BPTF: variants seen among roughly 807,000 people sequenced by gnomAD.
BPTF encodes the protein bromodomain PHD finger transcription factor.
BPTF carries 18 observed loss-of-function variants against 292.5 expected under a neutral mutation model. That is an observed-to-expected ratio of 0.06 (90% confidence interval 0.04 to 0.09). The LOEUF (loss-of-function observed/expected upper bound fraction) is 0.09. Among genes scored for constraint, BPTF ranks in the 10% least tolerant of loss-of-function variants. The pLI, the probability that BPTF is intolerant of heterozygous loss-of-function variation, is 1.00. For synonymous variants in BPTF, 1,225 were observed against 1,251.9 expected (o/e 0.98, Z 0.45); for missense variants, 2,726 against 3,498.7 (o/e 0.78, Z 5.57).
intron 23 of BPTF, among the ~76,000 whole-genome samples, chr17:67,958,141 A>G (rs1475530892): frequency 6.6e-6 from 1 of 152,194 alleles, no homozygotes; most frequent in Non-Finnish European, 1.5e-5. Context: ...CAGCCTGGCC[A>G]ACATGGTGAA....
At chr17:67,858,555 CAAAAAAAAAAAAAA>C (rs561316267) in intron 2 of BPTF, among the ~76,000 whole-genome samples, 5 of 77,946 alleles carry the variant, frequency 6.4e-5, no homozygotes, top group South Asian at 3.9e-4. Flanking sequence ...ACTCTGTCTC[CAAAAAAAAAAAAAA>C]AAAAAAAAAG....
At position 67,918,705 on chromosome 17, in the gene BPTF, T is replaced by C. The variant is rs2063222806; in HGVS notation, c.5304-9T>C. 6.2e-7 allele frequency: 1 copy of C among 1,611,538 alleles called. No individual in the cohort carries two copies. The highest frequency in any genetic ancestry group is 8.5e-7 in the Non-Finnish European group (1 of 1,178,092). Reference sequence around the variant, plus strand: ...AGATATATATGGATTTCTTTGGTTTTCCTTTCAGGTATAGACTTCAGACAG... The same window carrying C: ...AGATATATATGGATTTCTTTGGTTTCCCTTTCAGGTATAGACTTCAGACAG... On this transcript the variant is annotated splice_polypyrimidine_tract_variant and intron_variant, in intron 11 of 27. Transcript: ENST00000306378.
chr17:67,938,184 A>C (rs7206980), intron 18 of BPTF, among the ~76,000 whole-genome samples: 1 of 152,188 alleles, frequency 6.6e-6, no homozygotes, highest in African/African-American at 2.4e-5. Flanking sequence ...TACCTATTGG[A>C]GATCATCTGG....
At chr17:67,922,806 T>C (rs1383785106) in intron 13 of BPTF, 34 bp from the exon 14 acceptor site, 2 of 1,570,012 alleles carry the variant, frequency 1.3e-6, no homozygotes, top group Non-Finnish European at 1.7e-6. Context: ...TTAGAAGCAA[T>C]ATTGCTTAAA....
Position 67,928,526 on chromosome 17 carries a change from A to C in BPTF, c.5923A>C (p.Thr1975Pro). 1.2e-6 allele frequency: 2 copies of C among 1,614,206 alleles called. No individual in the cohort carries two copies. The highest frequency in any genetic ancestry group is 1.7e-6 in the Non-Finnish European group (2 of 1,180,012). ...VLTTKVGSPA[T>P]VTFQQNKNFH... The stretch of plus-strand genomic sequence containing the variant: ...AACTACTAAAGTTGGATCTCCAGCT[A>C]CAGTAACATTCCAACAAAACAAGAA... The change falls in exon 16 of 28, where the codon ACA (threonine) becomes CCA (proline). Residue 1975 changes from threonine to proline, a missense_variant. By Grantham distance (38) the Thr-to-Pro change is conservative. Transcript: ENST00000306378.
intron 1 of BPTF, among the ~76,000 whole-genome samples, chr17:67,846,889 CAG>C (rs1204069321): frequency 6.6e-6 from 1 of 152,116 alleles, no homozygotes; most frequent in Non-Finnish European, 1.5e-5. Context: ...TTAGTAGAGA[CAG>C]GGTTTCGCCA....
At chr17:67,979,169 C>CAAAAAAA (rs11376410) in intron 27 of BPTF, among the ~76,000 whole-genome samples, 5 of 72,562 alleles carry the variant, frequency 6.9e-5, no homozygotes, top group African/African-American at 3.2e-4. Context: ...GACCCTGTCT[C>CAAAAAAA]AAAAAAAAAA....
intron 7 of BPTF, among the ~76,000 whole-genome samples, chr17:67,898,205 A>T (rs145014617): frequency 6.6e-6 from 1 of 152,178 alleles, no homozygotes; most frequent in African/African-American, 2.4e-5. Flanking sequence ...CCCCATCTCT[A>T]CTAAAAATTA....
chr17:67,948,507 G>A (rs992822846), intron 23 of BPTF, among the ~76,000 whole-genome samples: 1 of 152,130 alleles, frequency 6.6e-6, no homozygotes, highest in Non-Finnish European at 1.5e-5. Context: ...TAGTTATATT[G>A]TATTCTCCAG....
chr17:67,889,568 G>A (rs1241510421), intron 4 of BPTF, among the ~76,000 whole-genome samples: 1 of 152,168 alleles, frequency 6.6e-6, no homozygotes, highest in African/African-American at 2.4e-5. Flanking sequence ...AGCACTTTGG[G>A]AGGCTGAGAC....
chr17:67,976,714 A>T (rs80224301), intron 27 of BPTF, among the ~76,000 whole-genome samples: 2 of 116,584 alleles, frequency 1.7e-5, no homozygotes, highest in African/African-American at 3.6e-5. Flanking sequence ...AAAAAAAAAA[A>T]ATAAGAATAA....
rs751015516 is a variant in BPTF at position 67,826,158 on chromosome 17, A to T, written c.434A>T (p.Glu145Val). ...EEEEDMVSEE[E>V]EEEDGDAEET... Reference sequence around the variant, plus strand: ...GAGGAGGACATGGTCTCCGAGGAGGAGGAGGAGGAGGACGGCGACGCCGAG... The same window carrying T: ...GAGGAGGACATGGTCTCCGAGGAGGTGGAGGAGGAGGACGGCGACGCCGAG... The change falls in exon 1 of 28, where the codon GAG becomes GTG. Residue 145 changes from glutamate (E) to valine (V), a missense_variant. Around this residue, in one of 22 missense-constraint regions of BPTF, gnomAD observed 153 missense variants for 178.3 expected, o/e 0.86. Transcript: ENST00000306378. The T allele has an allele frequency of 1.3e-6, 2 of 1,529,962 alleles. No homozygotes were observed. Among genetic ancestry groups the T allele is most frequent in the South Asian group, 2.2e-5 (2 of 89,250 alleles). 94.8% of individuals were successfully genotyped at this position (1,529,962 alleles called of 1,614,324 possible). A position where few individuals can be genotyped will look rare whatever the true frequency, so the allele number is the denominator to read the frequency against.
rs1197523071 is a variant in BPTF at position 67,912,420 on chromosome 17, T to C, written c.4536T>C (p.Ser1512=). The change falls in exon 11 of 28, where the codon AGT becomes AGC. Residue 1512 remains serine, a synonymous_variant. Coordinates refer to ENST00000306378, the MANE Select transcript of BPTF (RefSeq NM_182641.4). The part of the protein sequence containing the change: ...ETLPSTKESD[S]TQTTTPSASC... ...TGCCATCAACCAAAGAGTCTGACAGTACACAGACGACCACACCCTCAGCAT... is the reference window on the plus strand; with the variant it reads ...TGCCATCAACCAAAGAGTCTGACAGCACACAGACGACCACACCCTCAGCAT... 2 of 1,613,828 alleles carry C rather than the reference T, an allele frequency of 1.2e-6. No homozygotes were observed. Among genetic ancestry groups the C allele is most frequent in the South Asian group, 1.1e-5 (1 of 91,036 alleles).
At chr17:67,895,484 C>G (rs1328172171) in intron 7 of BPTF, among the ~76,000 whole-genome samples, 1 of 128,012 alleles carries the variant, frequency 7.8e-6, no homozygotes, top group Non-Finnish European at 1.6e-5. Flanking sequence ...TTTTTTTTGA[C>G]ACAGGATCTC....
rs781848138 is a variant in BPTF at position 67,959,782 on chromosome 17, C to T, written c.8168C>T (p.Ser2723Phe). 3 of 1,613,746 alleles carry T rather than the reference C, an allele frequency of 1.9e-6. No individual in the cohort carries two copies. Among genetic ancestry groups the T allele is most frequent in the African/African-American group, 2.7e-5 (2 of 74,840 alleles). ...GAGGAAAAAGACTCCAGCTCAAAGT[C>T]CAAGAAAAAGAAAATGATCTCTACT... Reference protein sequence around the residue: ...REEEKDSSSKSKKKKMISTTS... With the variant: ...REEEKDSSSKFKKKKMISTTS... Residue 2723 changes from serine (S) to phenylalanine (F), a missense_variant, in exon 24 of 28, where the codon TCC (serine) becomes TTC (phenylalanine). Ser to Phe is a radical substitution (Grantham distance 155). Around this residue, in one of 22 missense-constraint regions of BPTF, gnomAD observed 148 missense variants for 145.5 expected, o/e 1.02. Transcript: ENST00000306378.
chr17:67,888,026 A>C (rs2060854924), intron 4 of BPTF, among the ~76,000 whole-genome samples: 1 of 151,804 alleles, frequency 6.6e-6, no homozygotes, highest in Non-Finnish European at 1.5e-5. Flanking sequence ...TGCCTCCAGC[A>C]AAAGTTGGGT....
At chr17:67,962,390 T>C (rs1311681789) in intron 24 of BPTF, among the ~76,000 whole-genome samples, 1 of 152,212 alleles carries the variant, frequency 6.6e-6, no homozygotes, top group Non-Finnish European at 1.5e-5. Context: ...TCAACACTTA[T>C]AGACACACTG....
At chr17:67,929,641 CT>C in intron 17 of BPTF, among the ~76,000 whole-genome samples, 154 bp downstream of exon 17, 1 of 152,200 alleles carries the variant, frequency 6.6e-6, no homozygotes, top group African/African-American at 2.4e-5. Context: ...TGTTATATTT[CT>C]GATAAGTGAA....
chr17:67,892,042 CTTT>C lies in BPTF; in HGVS notation c.2055+9_2055+11del. 6.5e-7 allele frequency: 1 copy of C among 1,531,026 alleles called. No homozygotes were observed. The allele number at this position is 1,531,026 out of a possible 1,614,324, so 94.8% of individuals were successfully genotyped here. ...TTTAAGGAGGGCAAAGAGGTGTGTT[CTTT>C]CTGTTTAAAACAAAAATCTGTGGAA... On this transcript the variant is annotated intron_variant, in intron 5 of 27. Transcript: ENST00000306378.
Sources: allele counts gnomAD v4.1 joint callset (sites outside exome capture counted in the v4.1 genomes callset), GRCh38; gene constraint gnomAD v4.1.1; regional missense constraint gnomAD v4.1.1; transcripts MANE v1.5; gene names NCBI Gene and HGNC (gene_info 2026-07-23, HGNC 2026-07-21).